Variants in SCD5 observed in about 807,000 individuals in gnomAD.
SCD5 encodes the protein acyl-CoA-desaturase 4.
SCD5 carries 20 observed loss-of-function variants against 30.4 expected under a neutral mutation model. The observed-to-expected ratio is 0.66, with a 90% confidence interval of 0.46 to 0.96. The LOEUF is 0.96. SCD5 is among the 40% of genes least tolerant of loss of function. The probability of loss-of-function intolerance (pLI) is 0.00; values close to 1 mark genes in which losing one functional copy is unlikely to be tolerated. For synonymous variants in SCD5, 173 were observed against 176.4 expected (o/e 0.98, Z 0.16); for missense variants, 381 against 443.3 (o/e 0.86, Z 1.26).
chr4:82,755,934 A>G (rs1225789764), intron 1 of SCD5, among the ~76,000 whole-genome samples: 1 of 152,218 alleles, frequency 6.6e-6, no homozygotes, highest in Non-Finnish European at 1.5e-5. Context: ...GAGAAAAATC[A>G]CTTCAGATTA....
At chr4:82,795,749 G>A (rs1361320408) in intron 1 of SCD5, among the ~76,000 whole-genome samples, 1 of 136,088 alleles carries the variant, frequency 7.3e-6, no homozygotes, top group Non-Finnish European at 1.5e-5. Context: ...TTGAGCCCAG[G>A]AGACTGAGAC....
chr4:82,788,195 C>T (rs1314450990), intron 1 of SCD5, among the ~76,000 whole-genome samples: 1 of 152,186 alleles, frequency 6.6e-6, no homozygotes, highest in Non-Finnish European at 1.5e-5. Context: ...TCATGGACTT[C>T]CCAGCCTCCA....
At chr4:82,733,572 C>A (rs1458062088) in intron 1 of SCD5, among the ~76,000 whole-genome samples, 1 of 151,936 alleles carries the variant, frequency 6.6e-6, no homozygotes. Flanking sequence ...TATCTTGAAG[C>A]CTTCTAATGT....
intron 3 of SCD5, among the ~76,000 whole-genome samples, chr4:82,664,995 C>CTATATATATATA (rs779503303): frequency 2.3e-4 from 19 of 83,270 alleles, no homozygotes; most frequent in African/African-American, 6.7e-4. Context: ...CTCTCTCTCT[C>CTATATATATATA]TCTCTATATA....
intron 3 of SCD5, among the ~76,000 whole-genome samples, chr4:82,679,640 T>C (rs1728525849): frequency 6.6e-6 from 1 of 152,170 alleles, no homozygotes; most frequent in South Asian, 2.1e-4. Context: ...GTTGATTCAT[T>C]TGCTAGTAAG....
At chr4:82,686,206 A>G (rs1228229074) in intron 2 of SCD5, among the ~76,000 whole-genome samples, 1 of 151,954 alleles carries the variant, frequency 6.6e-6, no homozygotes, top group Non-Finnish European at 1.5e-5. Flanking sequence ...GGGTCTCACT[A>G]TGTTACCCAG....
At chr4:82,652,903 G>A (rs1411426890) in intron 3 of SCD5, among the ~76,000 whole-genome samples, 2 of 152,056 alleles carry the variant, frequency 1.3e-5, no homozygotes, top group South Asian at 2.1e-4. Flanking sequence ...CTGTAGTCCC[G>A]ACACTTTGGG....
chr4:82,730,487 G>A (rs534849614), intron 1 of SCD5, among the ~76,000 whole-genome samples: 1 of 150,528 alleles, frequency 6.6e-6, no homozygotes, highest in South Asian at 2.1e-4. Context: ...TAGTAGAAAC[G>A]GGGTTTCACC....
rs183414172 is a variant in SCD5, at chr4:82,693,415, A to G, written c.363+11868T>C. Among the ~76,000 whole-genome samples, 351 of 152,150 alleles carry G rather than the reference A, an allele frequency of 2.3e-3. 2 individuals carry two copies. Among genetic ancestry groups the G allele is most frequent in the Non-Finnish European group, 3.9e-3 (262 of 68,004 alleles). On this transcript the variant is annotated intron_variant, in intron 2 of 4. Transcript: ENST00000319540. ...TATATCTTGAATCTGCACACTTCTC[A>G]TTTTTACCACCTTTTCTAGTTCAAG...
Position 82,798,609 on chromosome 4 carries a change from G to A in SCD5, c.-72C>T. ...TCTGCCCGAGCGGAGCTCGAGGGTGGGGGCGGGGGCTTCTGCCTTTTAGGG... is the reference window on the plus strand; with the variant it reads ...TCTGCCCGAGCGGAGCTCGAGGGTGAGGGCGGGGGCTTCTGCCTTTTAGGG... On this transcript the variant is annotated 5_prime_UTR_variant, in exon 1 of 5. Transcript: ENST00000319540. The A allele has an allele frequency of 7.4e-7, 1 of 1,351,616 alleles. No homozygotes were observed. The allele number at this position is 1,351,616 out of a possible 1,614,324, so 83.7% of individuals were successfully genotyped here. A position where few individuals can be genotyped will look rare whatever the true frequency, so the allele number is the denominator to read the frequency against.
At position 82,631,456 on chromosome 4, in the gene SCD5, G is replaced by A. The variant is rs1476174748; in HGVS notation, c.864C>T (p.Gly288=). Residue 288 remains glycine, a synonymous_variant, in exon 5 of 5, where the codon GGC becomes GGT. Transcript: ENST00000319540. The stretch of plus-strand genomic sequence containing the variant: ...ACCAGGTGGTTGGGTTAAAATTTAA[G>A]CCAAATTCACTCGCAGAGTAGTCAA... The part of the protein sequence containing the change: ...FPFDYSASEF[G]LNFNPTTWFI... The A allele has an allele frequency of 3.1e-6, 5 of 1,614,066 alleles. No individual in the cohort carries two copies. The highest frequency in any genetic ancestry group is 1.3e-5 in the African/African-American group (1 of 74,912).
At position 82,798,771 on chromosome 4, in the gene SCD5, C is replaced by G; in HGVS notation, c.-234G>C. ...TGTTGCTGGCGTATCCCCCATATGG[C>G]TGCCCGGGCTGAACTCGGCCGCGAG... On this transcript the variant is annotated 5_prime_UTR_variant, in exon 1 of 5. Coordinates refer to ENST00000319540, the MANE Select transcript of SCD5 (RefSeq NM_001037582.3). The G allele has an allele frequency of 2.0e-6, 1 of 489,278 alleles. No individual in the cohort carries two copies. Among genetic ancestry groups the G allele is most frequent in the Non-Finnish European group, 3.6e-6 (1 of 280,738 alleles). 30.3% of individuals were successfully genotyped at this position (489,278 alleles called of 1,614,324 possible). A position where few individuals can be genotyped will look rare whatever the true frequency, so the allele number is the denominator to read the frequency against.
At chr4:82,740,644 G>C (rs12640482) in intron 1 of SCD5, among the ~76,000 whole-genome samples, 22,094 of 152,168 alleles carry the variant, frequency 0.15, 2,851 homozygotes, top group African/African-American at 0.35. Flanking sequence ...AGTTCCCAAT[G>C]TGTGGTCTAT....
At chr4:82,693,963 T>C (rs1394670051) in intron 2 of SCD5, among the ~76,000 whole-genome samples, 1 of 152,204 alleles carries the variant, frequency 6.6e-6, no homozygotes, top group African/African-American at 2.4e-5. Flanking sequence ...CAAGAGGGAA[T>C]GCGGAGGGCA....
chr4:82,696,226 T>G (rs1027444406), intron 2 of SCD5, among the ~76,000 whole-genome samples: 1 of 152,214 alleles, frequency 6.6e-6, no homozygotes, highest in Non-Finnish European at 1.5e-5. Context: ...CAATAAATAT[T>G]ATCATTAATT....
chr4:82,681,511 T>C (rs912985282), intron 2 of SCD5, among the ~76,000 whole-genome samples: 1 of 152,138 alleles, frequency 6.6e-6, no homozygotes, highest in Non-Finnish European at 1.5e-5. Context: ...CTGGGGGTCA[T>C]TATCCTTAGC....
chr4:82,662,857 C>CAAAAAAAAAAAAAAAAAAA (rs11340677), intron 3 of SCD5, among the ~76,000 whole-genome samples: 1 of 72,848 alleles, frequency 1.4e-5, no homozygotes, highest in Non-Finnish European at 2.8e-5. Flanking sequence ...AACTCCGTCT[C>CAAAAAAAAAAAAAAAAAAA]AAAAAAAAAA....
chr4:82,678,074 G>A (rs534626241), intron 3 of SCD5, among the ~76,000 whole-genome samples: 118 of 152,006 alleles, frequency 7.8e-4, no homozygotes, highest in Non-Finnish European at 1.5e-3. Flanking sequence ...GGCAACTAGG[G>A]GTGACCTCTA....
intron 1 of SCD5, among the ~76,000 whole-genome samples, chr4:82,754,101 G>C (rs976429599): frequency 2.0e-5 from 3 of 152,152 alleles, no homozygotes; most frequent in African/African-American, 7.2e-5. Flanking sequence ...TCTGTTCAAA[G>C]ACAAGCTTCT....
Sources: gnomAD v4.1 joint callset for allele counts (sites outside exome capture counted in the v4.1 genomes callset) on GRCh38, gnomAD v4.1.1 for gene constraint, MANE v1.5 for transcripts, NCBI Gene and HGNC (gene_info 2026-07-23, HGNC 2026-07-21) for gene names.